RNF144A: variants seen among roughly 807,000 people sequenced by gnomAD.
The protein encoded by RNF144A is E3 ubiquitin-protein ligase RNF144A.
RNF144A carries 11 observed loss-of-function variants against 38.7 expected under a neutral mutation model. The observed-to-expected ratio is 0.28, with a 90% confidence interval of 0.18 to 0.47. RNF144A has a LOEUF of 0.47. Among genes scored for constraint, RNF144A ranks in the 20% least tolerant of loss-of-function variants. RNF144A has a pLI of 0.99. For synonymous variants in RNF144A, 149 were observed against 143.9 expected (o/e 1.04, Z -0.25); for missense variants, 316 against 377.2 (o/e 0.84, Z 1.34).
intron 1 of RNF144A, among the ~76,000 whole-genome samples, chr2:6,939,476 G>A (rs1665826501): frequency 6.6e-6 from 1 of 152,136 alleles, no homozygotes. Context: ...TGAATCCGAG[G>A]CCTTTATCAG....
chr2:7,052,359 A>C (rs1212523542), intron 6 of RNF144A, among the ~76,000 whole-genome samples: 1 of 152,122 alleles, frequency 6.6e-6, no homozygotes, highest in Non-Finnish European at 1.5e-5. Context: ...ACAAATAAAT[A>C]TTATTTTGTG....
chr2:6,948,692 A>G (rs1666492122), intron 2 of RNF144A, among the ~76,000 whole-genome samples: 1 of 152,224 alleles, frequency 6.6e-6, no homozygotes, highest in Non-Finnish European at 1.5e-5. Context: ...ATCTTGGAAA[A>G]TATCTTGATT....
At chr2:6,918,756 T>G (rs1257825782) in intron 1 of RNF144A, 1 of 43,676 alleles carries the variant, frequency 2.3e-5, no homozygotes. Context: ...AGAACGAGAC[T>G]CCGTCTCAAA....
Position 7,059,709 on chromosome 2 carries a change from TA to T in RNF144A, c.735-8504del, listed in dbSNP as rs201995038. ...TCCAGCAGTTAAGGAGAAATCTCAA[TA>T]AACTCTAATGATGACAGATGCTGAG... On this transcript the variant is annotated intron_variant, in intron 6 of 6. Transcript: ENST00000432850. Among the ~76,000 whole-genome samples the T allele has an allele frequency of 7.2e-3, 1,093 of 152,254 alleles. 9 individuals carry two copies. Among genetic ancestry groups the T allele is most frequent in the African/African-American group, 0.022 (934 of 41,542 alleles).
At chr2:7,030,239 G>C in intron 8 of RNF144A, 24 bp downstream of exon 8, 1 of 1,462,086 alleles carries the variant, frequency 6.8e-7, no homozygotes, top group Non-Finnish European at 9.6e-7. Context: ...TGCCTGGAAG[G>C]TTGATCTCAG....
chr2:6,960,937 T>C (rs1667293894), intron 2 of RNF144A, among the ~76,000 whole-genome samples: 1 of 152,162 alleles, frequency 6.6e-6, no homozygotes, highest in Non-Finnish European at 1.5e-5. Flanking sequence ...AAGTCATTGG[T>C]CAGCATAATG....
At position 6,991,121 on chromosome 2, in the gene RNF144A, C is replaced by T. The variant is rs138278514; in HGVS notation, c.-11-5795C>T. 3.6e-3 allele frequency among the ~76,000 whole-genome samples: 551 copies of T among 152,292 alleles called. 1 individual carries two copies. The highest frequency in any genetic ancestry group is 6.3e-3 in the Non-Finnish European group (427 of 68,026). On this transcript the variant is annotated intron_variant, in intron 2 of 8. Coordinates refer to ENST00000320892, the MANE Select transcript of RNF144A (RefSeq NM_014746.6). The stretch of plus-strand genomic sequence containing the variant: ...GGTTGTTTCCAAATTTTGGCAGTTA[C>T]GGCTGAGCTGCTATAAGCATGCATG...
chr2:7,025,637 A>C (rs1572429623), intron 7 of RNF144A, among the ~76,000 whole-genome samples: 1 of 152,186 alleles, frequency 6.6e-6, no homozygotes. Flanking sequence ...GCACCACTGC[A>C]CTCCAGCCTC....
rs578157911 is a variant in RNF144A at position 7,042,404 on chromosome 2, C to A, written c.*2644C>A. On this transcript the variant is annotated 3_prime_UTR_variant, in exon 9 of 9. Coordinates refer to ENST00000320892, the MANE Select transcript of RNF144A (RefSeq NM_014746.6). Reference sequence around the variant, plus strand: ...CATTGAAAAATGGCATTCACTCTTACAGATGGTGTTCACTGCAAGCCCCAG... The same window carrying A: ...CATTGAAAAATGGCATTCACTCTTAAAGATGGTGTTCACTGCAAGCCCCAG... 2 of 985,418 alleles carry A rather than the reference C, an allele frequency of 2.0e-6. No homozygotes were observed. The highest frequency in any genetic ancestry group is 9.4e-5 in the South Asian group (2 of 21,284). 61.0% of individuals were successfully genotyped at this position (985,418 alleles called of 1,614,324 possible).
intron 7 of RNF144A, among the ~76,000 whole-genome samples, chr2:7,025,383 C>T (rs1404124036): frequency 1.3e-5 from 2 of 152,170 alleles, no homozygotes; most frequent in Admixed American, 6.5e-5. Flanking sequence ...TTTTTAAGAA[C>T]TATAATTAGG....
In RNF144A at chr2:6,943,206, A is replaced by T. The variant is rs962257134; in HGVS notation, c.-12+2059A>T. On this transcript the variant is annotated intron_variant, in intron 2 of 8. Transcript: ENST00000320892. The surrounding 1 kb of genome is among the most constrained non-coding windows in gnomAD (Gnocchi z 4.3). ...GTGAAAGAAGAGAGGAGTTGTAAGG[A>T]CTGGGCCCTGGGGCATTCTAGCTTC... Among the ~76,000 whole-genome samples the T allele has an allele frequency of 2.0e-5, 3 of 152,210 alleles. No homozygotes were observed. In the East Asian group the frequency reaches 5.8e-4, roughly 29 times the overall value.
chr2:7,071,762 G>A (rs2103486509), downstream of RNF144A, among the ~76,000 whole-genome samples: 1 of 152,338 alleles, frequency 6.6e-6, no homozygotes, highest in South Asian at 2.1e-4. Context: ...CAACAAAACA[G>A]TCATCTAGGT....
chr2:7,044,952 T>C (rs894038264), downstream of RNF144A, among the ~76,000 whole-genome samples: 3 of 152,200 alleles, frequency 2.0e-5, no homozygotes, highest in Non-Finnish European at 4.4e-5. Context: ...AGTCAGTCAA[T>C]TATCATAAGA....
chr2:7,058,303 C>T (rs955061258), intron 6 of RNF144A, among the ~76,000 whole-genome samples: 6 of 139,284 alleles, frequency 4.3e-5, no homozygotes, highest in East Asian at 2.1e-4. Context: ...CTATGGCAGT[C>T]GGTTGTGAAA....
intron 2 of RNF144A, among the ~76,000 whole-genome samples, chr2:6,974,453 C>T (rs972206494): frequency 1.3e-5 from 2 of 152,140 alleles, no homozygotes; most frequent in African/African-American, 4.8e-5. Context: ...TACTACCTCA[C>T]TAAGCTATTG....
intron 6 of RNF144A, among the ~76,000 whole-genome samples, chr2:7,066,724 G>T (rs4569445): frequency 0.28 from 43,137 of 151,914 alleles, 6,574 homozygotes; most frequent in East Asian, 0.49. Flanking sequence ...GCCATGTTGT[G>T]TTGCATACTT....
chr2:6,990,076 G>A lies in RNF144A; in HGVS notation c.-11-6840G>A, dbSNP rs149073295. Among the ~76,000 whole-genome samples, 469 of 152,194 alleles carry A rather than the reference G, an allele frequency of 3.1e-3. 4 individuals are homozygous for A. Among genetic ancestry groups the A allele is most frequent in the Non-Finnish European group, 4.2e-3 (286 of 68,004 alleles). On this transcript the variant is annotated intron_variant, in intron 2 of 8. Transcript: ENST00000320892. ...CTCCCAGGGTTCATAATTTCCTATGGTAGTCAGTTGGGGCTGCTGTAACAG... is the reference window on the plus strand; with the variant it reads ...CTCCCAGGGTTCATAATTTCCTATGATAGTCAGTTGGGGCTGCTGTAACAG...
In RNF144A at chr2:7,044,060, T is replaced by G. The variant is rs1205426443; in HGVS notation, c.*4300T>G. On this transcript the variant is annotated 3_prime_UTR_variant, in exon 9 of 9. Coordinates refer to ENST00000320892, the MANE Select transcript of RNF144A (RefSeq NM_014746.6). ...GTACTCTGGAATCATATGGAAAAAG[T>G]TTGATTTGTAATTTCAATACATATT... 1.0e-6 allele frequency: 1 copy of G among 985,676 alleles called. No individual in the cohort carries two copies. The highest frequency in any genetic ancestry group is 1.7e-5 in the African/African-American group (1 of 57,218). The allele number at this position is 985,676 out of a possible 1,614,324, so 61.1% of individuals were successfully genotyped here. A position where few individuals can be genotyped will look rare whatever the true frequency, so the allele number is the denominator to read the frequency against.
At chr2:6,942,256 A>T (rs1381836025) in intron 2 of RNF144A, among the ~76,000 whole-genome samples, 1 of 152,128 alleles carries the variant, frequency 6.6e-6, no homozygotes, top group Non-Finnish European at 1.5e-5. Context: ...CCAGGAGACC[A>T]TCTCAGAGGA....
Sources: gnomAD v4.1 joint callset for allele counts (sites outside exome capture counted in the v4.1 genomes callset) on GRCh38, gnomAD v4.1.1 for gene constraint, Gnocchi (gnomAD v3.1) non-coding constraint, MANE v1.5 for transcripts, NCBI Gene and HGNC (gene_info 2026-07-23, HGNC 2026-07-21) for gene names.